The following ZBTB16 variants were observed in gnomAD, a reference collection of about 807,000 sequenced individuals.
ZBTB16 encodes zinc finger and BTB domain containing 16, also known as zinc finger and BTB domain-containing protein 16.
Under a neutral mutation model 56.8 loss-of-function variants are expected in ZBTB16, and 8 were observed. The ratio of observed to expected loss-of-function variants is 0.14; its 90% CI spans 0.08 to 0.25. ZBTB16 has a LOEUF of 0.25. Ranked by LOEUF, ZBTB16 falls within the 10% of genes least tolerant of loss-of-function variation. The pLI is 1.00. For missense variants in ZBTB16, 625 were observed against 903.0 expected (o/e 0.69, Z 3.95); for synonymous variants, 363 against 368.5 (o/e 0.98, Z 0.17).
intron 1 of ZBTB16, among the ~76,000 whole-genome samples, chr11:114,062,319 T>G (rs1320092740): frequency 1.3e-5 from 2 of 151,654 alleles, no homozygotes; most frequent in Non-Finnish European, 2.9e-5. Flanking sequence ...GTCAGGCTGG[T>G]CTCGAACTCC....
intron 2 of ZBTB16, among the ~76,000 whole-genome samples, chr11:114,083,947 T>G (rs987504082): frequency 8.5e-5 from 13 of 152,182 alleles, no homozygotes; most frequent in Admixed American, 5.2e-4. Context: ...ATGATAAATC[T>G]TCTATCACTG....
At chr11:114,243,165 T>C (rs1239162166) in intron 5 of ZBTB16, among the ~76,000 whole-genome samples, 1 of 152,244 alleles carries the variant, frequency 6.6e-6, no homozygotes, top group African/African-American at 2.4e-5. Flanking sequence ...GGGGCTCTGC[T>C]GAAACTACCT....
intron 4 of ZBTB16, among the ~76,000 whole-genome samples, chr11:114,216,146 C>T (rs1296210046): frequency 1.3e-5 from 2 of 152,190 alleles, no homozygotes; most frequent in Non-Finnish European, 2.9e-5. Flanking sequence ...AGGACATATA[C>T]GAGCTCTCCT....
At chr11:114,249,492 G>A (rs1338542515) in intron 6 of ZBTB16, among the ~76,000 whole-genome samples, 19 of 139,032 alleles carry the variant, frequency 1.4e-4, no homozygotes, top group African/African-American at 3.8e-4. Flanking sequence ...AAGGCCGGGC[G>A]CGGTGGCTCA....
intron 5 of ZBTB16, among the ~76,000 whole-genome samples, chr11:114,245,653 GAGA>G (rs1220037498): frequency 6.6e-6 from 1 of 152,156 alleles, no homozygotes; most frequent in African/African-American, 2.4e-5. Context: ...AGTCTATAAC[GAGA>G]AGGACAATTT....
intron 2 of ZBTB16, among the ~76,000 whole-genome samples, chr11:114,068,190 A>G (rs1011423849): frequency 2.0e-5 from 3 of 151,982 alleles, no homozygotes; most frequent in African/African-American, 7.3e-5. Context: ...AATAGGCCTG[A>G]GTGTTGGTAA....
intron 3 of ZBTB16, among the ~76,000 whole-genome samples, chr11:114,179,314 C>T (rs953284386): frequency 2.0e-5 from 3 of 150,394 alleles, no homozygotes; most frequent in Non-Finnish European, 3.0e-5. Flanking sequence ...TCAAGCTCCT[C>T]TCTGGGAGTA....
intron 3 of ZBTB16, 88 bp from the exon 4 acceptor site, chr11:114,186,864 A>G (rs747946238): frequency 7.7e-4 from 992 of 1,293,218 alleles, no homozygotes; most frequent in Non-Finnish European, 1.1e-3. Context: ...CCCCTTCCCT[A>G]GTGTCTACCT....
At position 114,139,629 on chromosome 11, in the gene ZBTB16, G is replaced by GTGTGTGTGTC. The variant is rs1176168116; in HGVS notation, c.1269-16699_1269-16698insCTGTGTGTGT. Among the ~76,000 whole-genome samples the GTGTGTGTGTC allele has an allele frequency of 7.3e-3, 840 of 115,470 alleles. 9 individuals carry two copies. The highest frequency in any genetic ancestry group is 0.021 in the African/African-American group (748 of 35,238). The allele number at this position is 115,470 out of a possible 152,430, so 75.8% of individuals were successfully genotyped here. A position where few individuals can be genotyped will look rare whatever the true frequency, so the allele number is the denominator to read the frequency against. On this transcript the variant is annotated intron_variant, in intron 2 of 6. Transcript: ENST00000335953. ...GTGGGTATGTGCCCGCGGTCCACGT[G>GTGTGTGTGTC]TGTGTGTGTGTGTGTGTGTGTGTGT...
chr11:114,187,713 G>A (rs1300690633), intron 4 of ZBTB16: 8 of 154,320 alleles, frequency 5.2e-5, no homozygotes, highest in African/African-American at 1.9e-4. Context: ...TGTCTGTGGT[G>A]GTCTGTTAGG....
At chr11:114,148,169 G>A (rs1285338467) in intron 2 of ZBTB16, among the ~76,000 whole-genome samples, 1 of 152,128 alleles carries the variant, frequency 6.6e-6, no homozygotes, top group Admixed American at 6.5e-5. Context: ...GCACTCGCAG[G>A]CAGCCTTATC....
At position 114,063,945 on chromosome 11, in the gene ZBTB16, G is replaced by A. The variant is rs1479127986; in HGVS notation, c.645G>A (p.Gln215=). The A allele has an allele frequency of 6.2e-7, 1 of 1,613,852 alleles. No individual in the cohort carries two copies. Among genetic ancestry groups the A allele is most frequent in the East Asian group, 2.2e-5 (1 of 44,876 alleles). ...TGACCATAGGACAGTCTCTCCTGCA[G>A]GGAACTCTTCAGCCACCTGCAGGGC... The part of the protein sequence containing the change: ...SLMTIGQSLL[Q]GTLQPPAGPE... Residue 215 remains glutamine (Q), a synonymous_variant, in exon 2 of 7, where the codon CAG becomes CAA. Coordinates refer to ENST00000335953, the MANE Select transcript of ZBTB16 (RefSeq NM_006006.6). This position sits in a 1 kb window ranked among gnomAD's most constrained non-coding sequence, Gnocchi z 6.5.
chr11:114,160,281 G>T (rs890321826), intron 3 of ZBTB16, among the ~76,000 whole-genome samples: 1 of 152,162 alleles, frequency 6.6e-6, no homozygotes, highest in Non-Finnish European at 1.5e-5. Context: ...TCTGGTTGGG[G>T]TGGGGTGAAG....
At chr11:114,098,518 T>C (rs1940497923) in intron 2 of ZBTB16, among the ~76,000 whole-genome samples, 1 of 146,344 alleles carries the variant, frequency 6.8e-6, no homozygotes, top group African/African-American at 2.5e-5. Context: ...CAGCTTGGGA[T>C]ATATAAAAAG....
At chr11:114,176,130 G>A (rs1016359681) in intron 3 of ZBTB16, among the ~76,000 whole-genome samples, 5 of 152,072 alleles carry the variant, frequency 3.3e-5, no homozygotes, top group Admixed American at 1.3e-4. Context: ...AGAGGAGACC[G>A]AAGGCTCAGA....
intron 2 of ZBTB16, among the ~76,000 whole-genome samples, chr11:114,153,000 AAAG>A (rs1308318960): frequency 6.6e-6 from 1 of 152,184 alleles, no homozygotes; most frequent in African/African-American, 2.4e-5. Context: ...GTTGTGGTCT[AAAG>A]AGGGAATAGA....
intron 4 of ZBTB16, among the ~76,000 whole-genome samples, chr11:114,207,600 C>A (rs997817587): frequency 6.7e-6 from 1 of 148,734 alleles, no homozygotes; most frequent in Non-Finnish European, 1.5e-5. Flanking sequence ...AACACACACA[C>A]ACACACACAC....
intron 4 of ZBTB16, among the ~76,000 whole-genome samples, chr11:114,224,718 G>A (rs1430425405): frequency 6.6e-6 from 1 of 152,184 alleles, no homozygotes; most frequent in African/African-American, 2.4e-5. Context: ...CCACGATGGA[G>A]ATCGAGGAGT....
intron 2 of ZBTB16, among the ~76,000 whole-genome samples, 169 bp from the exon 3 acceptor site, chr11:114,156,168 C>T (rs1358145496): frequency 3.3e-5 from 5 of 152,162 alleles, no homozygotes; most frequent in South Asian, 2.1e-4. Flanking sequence ...GGGCAGAGGG[C>T]GTGATTTACG....
Sources: allele counts gnomAD v4.1 joint callset (sites outside exome capture counted in the v4.1 genomes callset), GRCh38; gene constraint gnomAD v4.1.1; non-coding constraint Gnocchi (gnomAD v3.1); transcripts MANE v1.5; gene names NCBI Gene and HGNC (gene_info 2026-07-23, HGNC 2026-07-21).